PAH: variants seen among roughly 807,000 people sequenced by gnomAD.
PAH encodes the protein phenylalanine hydroxylase.
In PAH, 64 loss-of-function variants were observed where a neutral mutation model predicts 62.0. The ratio of observed to expected loss-of-function variants is 1.03; its 90% CI spans 0.84 to 1.27. The LOEUF is 1.27. Among genes scored for constraint, PAH ranks in the 50% most tolerant of loss-of-function variants. PAH has a pLI of 0.00. For missense variants in PAH, 579 were observed against 542.8 expected (o/e 1.07, Z -0.66); for synonymous variants, 195 against 196.2 (o/e 0.99, Z 0.05).
At chr12:102,900,482 G>A (rs79841057) in intron 2 of PAH, among the ~76,000 whole-genome samples, 23,100 of 152,032 alleles carry the variant, frequency 0.15, 1,918 homozygotes, top group African/African-American at 0.21. Flanking sequence ...TGCCCGGGCT[G>A]ACAAATGGGG....
At position 102,877,558 on chromosome 12, in the gene PAH, A is replaced by G. The variant is rs1174392751; in HGVS notation, c.353-8T>C. ...TTCTTGGGAACCAGGGCACTGAAAC[A>G]CAGAGAAGGCAACGTCCTGAGTACA... On this transcript the variant is annotated splice_polypyrimidine_tract_variant and splice_region_variant and intron_variant, in intron 3 of 12. Transcript: ENST00000553106. The G allele has an allele frequency of 6.2e-7, 1 of 1,609,438 alleles. No homozygotes were observed. The highest frequency in any genetic ancestry group is 2.2e-5 in the East Asian group (1 of 44,850).
At chr12:102,926,419 G>C (rs767718807) in intron 1 of PAH, among the ~76,000 whole-genome samples, 1 of 151,866 alleles carries the variant, frequency 6.6e-6, no homozygotes, top group African/African-American at 2.4e-5. Flanking sequence ...TTGTTGGGGG[G>C]GCGGGTAAAG....
At chr12:102,864,309 T>G (rs1875853211) in intron 5 of PAH, among the ~76,000 whole-genome samples, 1 of 152,158 alleles carries the variant, frequency 6.6e-6, no homozygotes, top group African/African-American at 2.4e-5. Flanking sequence ...TGAACATAAC[T>G]ATTTGAGATT....
intron 9 of PAH, among the ~76,000 whole-genome samples, chr12:102,845,882 G>T (rs1025947445): frequency 6.6e-6 from 1 of 152,134 alleles, no homozygotes; most frequent in Non-Finnish European, 1.5e-5. Context: ...TAGAAAAGTC[G>T]CATTGGTGAT....
chr12:102,871,939 AAAAAAAAAAAATATATATATAT>A (rs58990397), intron 4 of PAH, among the ~76,000 whole-genome samples: 852 of 15,672 alleles, frequency 0.054, 6 homozygotes, highest in African/African-American at 0.1. Context: ...AAAAAAAAAA[AAAAAAAAAAAATATATATATAT>A]ATATATATAT....
chr12:102,880,395 G>A (rs1220592316), intron 3 of PAH, among the ~76,000 whole-genome samples: 1 of 152,142 alleles, frequency 6.6e-6, no homozygotes, highest in Non-Finnish European at 1.5e-5. Context: ...TTGCCACCAA[G>A]GGGTTTCAAT....
chr12:102,929,014 A>G (rs75204314), intron 1 of PAH, among the ~76,000 whole-genome samples: 2,117 of 152,222 alleles, frequency 0.014, 29 homozygotes, highest in Middle Eastern at 0.027. Flanking sequence ...ATGGTAATAA[A>G]TGAGTTTTCA....
chr12:102,935,069 C>G (rs961627653), intron 1 of PAH, among the ~76,000 whole-genome samples: 37 of 152,036 alleles, frequency 2.4e-4, no homozygotes, highest in Non-Finnish European at 2.9e-5. Context: ...AGGTATGTTC[C>G]TTCTATACCC....
At chr12:102,850,761 G>A (rs545505770) in intron 8 of PAH, among the ~76,000 whole-genome samples, 14 of 152,272 alleles carry the variant, frequency 9.2e-5, no homozygotes, top group South Asian at 4.2e-4. Flanking sequence ...AGTGCCTGGA[G>A]AGAATTGGTA....
chr12:102,853,528 G>A (rs1875272842), intron 6 of PAH: 3 of 170,362 alleles, frequency 1.8e-5, no homozygotes, highest in Admixed American at 1.6e-4. Context: ...GTTCACAGAG[G>A]ACCTCATTCC....
chr12:102,888,717 T>C (rs542982468), intron 3 of PAH, among the ~76,000 whole-genome samples: 3 of 151,946 alleles, frequency 2.0e-5, no homozygotes, highest in Admixed American at 2.0e-4. Context: ...AGCTGGAGTC[T>C]GCTTGTCTCA....
chr12:102,870,873 T>C (rs2136670608), intron 4 of PAH, among the ~76,000 whole-genome samples: 1 of 152,310 alleles, frequency 6.6e-6, no homozygotes, highest in Admixed American at 6.5e-5. Context: ...CACCCTACAA[T>C]TGGCCAAGAA....
At chr12:102,852,302 T>C (rs975689963) in intron 7 of PAH, 7 of 196,762 alleles carry the variant, frequency 3.6e-5, no homozygotes, top group African/African-American at 1.6e-4. Context: ...ATGAACTTTA[T>C]GGGCAAGGAA....
intron 1 of PAH, among the ~76,000 whole-genome samples, chr12:102,944,781 C>T (rs575128178): frequency 1.1e-3 from 168 of 152,100 alleles, no homozygotes; most frequent in African/African-American, 3.9e-3. Context: ...TTGGTGAGGT[C>T]GTGTTTTTCT....
At chr12:102,844,699 C>G (rs1375474350) in intron 9 of PAH, among the ~76,000 whole-genome samples, 3 of 152,150 alleles carry the variant, frequency 2.0e-5, no homozygotes, top group Non-Finnish European at 4.4e-5. Context: ...TATTCTATCT[C>G]TCTTGGAACC....
At chr12:102,952,070 C>A (rs1410004784), upstream of PAH, among the ~76,000 whole-genome samples, 1 of 152,078 alleles carries the variant, frequency 6.6e-6, no homozygotes, top group Admixed American at 6.5e-5. Context: ...CTTTTTCTTG[C>A]GGCTCAAAGA....
intron 1 of PAH, among the ~76,000 whole-genome samples, chr12:102,948,780 G>C (rs1056217850): frequency 6.6e-6 from 1 of 152,172 alleles, no homozygotes; most frequent in African/African-American, 2.4e-5. Context: ...CTTCCAGGTA[G>C]CTTGCTAAAA....
chr12:102,875,804 C>T (rs754984258), intron 4 of PAH, among the ~76,000 whole-genome samples: 10 of 152,096 alleles, frequency 6.6e-5, no homozygotes, highest in Non-Finnish European at 1.2e-4. Flanking sequence ...TGGAAGTTCA[C>T]GTGAAAATAC....
intron 3 of PAH, among the ~76,000 whole-genome samples, chr12:102,878,095 G>T (rs1430112430): frequency 6.6e-6 from 1 of 152,138 alleles, no homozygotes; most frequent in African/African-American, 2.4e-5. Flanking sequence ...AAAGTGCTGG[G>T]ATTACAGGCA....
Sources: gnomAD v4.1 joint callset for allele counts (sites outside exome capture counted in the v4.1 genomes callset) on GRCh38, gnomAD v4.1.1 for gene constraint, MANE v1.5 for transcripts, NCBI Gene and HGNC (gene_info 2026-07-23, HGNC 2026-07-21) for gene names.